Variants in CDH13 observed in about 807,000 individuals in gnomAD.
CDH13 encodes cadherin 13, also known as cadherin-13.
CDH13 carries 24 observed loss-of-function variants against 63.8 expected under a neutral mutation model. The observed-to-expected ratio is 0.38, with a 90% CI of 0.27 to 0.53. The LOEUF (loss-of-function observed/expected upper bound fraction) is 0.53, where lower values mean the gene tolerates loss of function less well. Among genes scored for constraint, CDH13 ranks in the 20% least tolerant of loss-of-function variants. The pLI is 0.85. For synonymous variants in CDH13, 503 were observed against 355.3 expected, an observed-to-expected ratio of 1.42 and a Z score of -4.67; for missense variants, 1,049 against 903.1, an observed-to-expected ratio of 1.16 and a Z score of -2.07.
intron 1 of CDH13, among the ~76,000 whole-genome samples, chr16:82,665,372 T>C (rs1912463944): frequency 6.6e-6 from 1 of 152,146 alleles, no homozygotes; most frequent in African/African-American, 2.4e-5. Flanking sequence ...GTAAGGCATC[T>C]TTAAACCGAG....
At chr16:83,192,582 A>T (rs2038752582) in intron 4 of CDH13, among the ~76,000 whole-genome samples, 2 of 152,196 alleles carry the variant, frequency 1.3e-5, no homozygotes, top group Non-Finnish European at 2.9e-5. Context: ...GCTATAAACT[A>T]ATAGGATCTG....
chr16:82,940,406 T>C (rs1904275596), intron 2 of CDH13, among the ~76,000 whole-genome samples: 1 of 152,194 alleles, frequency 6.6e-6, no homozygotes, highest in Admixed American at 6.5e-5. Flanking sequence ...TGCTCGGTGG[T>C]GAGGTTGAGT....
chr16:83,611,241 C>G (rs1488200760), intron 8 of CDH13, among the ~76,000 whole-genome samples: 2 of 151,990 alleles, frequency 1.3e-5, no homozygotes, highest in African/African-American at 4.8e-5. Flanking sequence ...TGGCTTTCCT[C>G]TTCTCTCTCT....
intron 3 of CDH13, among the ~76,000 whole-genome samples, chr16:83,049,077 TTTTTAA>T (rs2029977206): frequency 6.6e-6 from 1 of 152,172 alleles, no homozygotes; most frequent in Non-Finnish European, 1.5e-5. Context: ...AAGCAATTAA[TTTTTAA>T]TTTTAATTTT....
chr16:83,317,619 G>C (rs1292628574), intron 5 of CDH13, among the ~76,000 whole-genome samples: 1 of 152,032 alleles, frequency 6.6e-6, no homozygotes, highest in East Asian at 1.9e-4. Context: ...TGACCAACAT[G>C]GTGAAACCCC....
chr16:83,753,326 C>G (rs1328974128), intron 11 of CDH13, among the ~76,000 whole-genome samples: 1 of 152,134 alleles, frequency 6.6e-6, no homozygotes, highest in Non-Finnish European at 1.5e-5. Context: ...GGCAGATTGC[C>G]TGAACCTAGG....
At chr16:82,987,673 G>T (rs1356721121) in intron 2 of CDH13, among the ~76,000 whole-genome samples, 1 of 152,216 alleles carries the variant, frequency 6.6e-6, no homozygotes, top group African/African-American at 2.4e-5. Context: ...CACTGTGCCA[G>T]GCCATGAATC....
At position 82,644,879 on chromosome 16, in the gene CDH13, T is replaced by A. The variant is rs1239149787; in HGVS notation, c.45+17742T>A. On this transcript the variant is annotated intron_variant, in intron 1 of 13. Transcript: ENST00000567109. This position sits in a 1 kb window ranked among gnomAD's most constrained non-coding sequence, Gnocchi z 5.7. The stretch of plus-strand genomic sequence containing the variant: ...GTGTTCTGAAGAGATACTGGTTCCA[T>A]GGGAGGTTAATATGGGTTCTGGGGA... Among the ~76,000 whole-genome samples, 1 of 152,162 alleles carries A rather than the reference T, an allele frequency of 6.6e-6. No individual in the cohort carries two copies. Among genetic ancestry groups the A allele is most frequent in the Admixed American group, 6.5e-5 (1 of 15,280 alleles).
intron 2 of CDH13, chr16:82,858,816 T>C: frequency 2.8e-6 from 1 of 360,820 alleles, no homozygotes; most frequent in South Asian, 8.3e-5. Flanking sequence ...AATCATTGCC[T>C]TCTCGCAGAT....
intron 1 of CDH13, among the ~76,000 whole-genome samples, chr16:82,806,687 G>T (rs889696362): frequency 6.6e-6 from 1 of 152,092 alleles, no homozygotes; most frequent in Admixed American, 6.6e-5. Flanking sequence ...AAGCAAAGAT[G>T]ATTTCCAAGC....
intron 3 of CDH13, among the ~76,000 whole-genome samples, chr16:83,033,744 C>G (rs1026260361): frequency 6.6e-6 from 1 of 152,170 alleles, no homozygotes; most frequent in African/African-American, 2.4e-5. Context: ...ACTACTGACT[C>G]CTGCCTTCTT....
At chr16:82,877,782 A>G (rs2151198415) in intron 2 of CDH13, among the ~76,000 whole-genome samples, 1 of 136,164 alleles carries the variant, frequency 7.3e-6, no homozygotes, top group Admixed American at 7.6e-5. Context: ...CTTTACACAC[A>G]GCCACCTCTA....
chr16:82,762,742 C>T (rs1243228115), intron 1 of CDH13, among the ~76,000 whole-genome samples: 2 of 152,150 alleles, frequency 1.3e-5, no homozygotes, highest in African/African-American at 2.4e-5. Context: ...AAAGCAAAGA[C>T]CTGCTGTGTT....
intron 1 of CDH13, among the ~76,000 whole-genome samples, chr16:82,706,572 T>C (rs916650932): frequency 5.9e-5 from 9 of 151,270 alleles, no homozygotes; most frequent in African/African-American, 2.2e-4. Flanking sequence ...GGTGGGTGGA[T>C]CACCTGAGGG....
chr16:83,159,126 G>T (rs2037339218), intron 4 of CDH13, among the ~76,000 whole-genome samples: 1 of 150,972 alleles, frequency 6.6e-6, no homozygotes, highest in African/African-American at 2.4e-5. Context: ...TTCTGTCTCG[G>T]TAAAAGTTCC....
chr16:83,774,087 C>G (rs1350835051), intron 11 of CDH13, among the ~76,000 whole-genome samples: 1 of 152,198 alleles, frequency 6.6e-6, no homozygotes, highest in Non-Finnish European at 1.5e-5. Context: ...CTACTCAACT[C>G]TATAATCATT....
intron 2 of CDH13, among the ~76,000 whole-genome samples, chr16:82,903,073 GAAA>G (rs1455849134): frequency 6.6e-6 from 1 of 152,192 alleles, no homozygotes; most frequent in African/African-American, 2.4e-5. Flanking sequence ...GATGGTAATG[GAAA>G]AAGACAAGAT....
intron 8 of CDH13, among the ~76,000 whole-genome samples, chr16:83,611,429 C>T (rs1398094790): frequency 1.3e-5 from 2 of 151,576 alleles, no homozygotes; most frequent in African/African-American, 4.8e-5. Context: ...TTTTTTTTCT[C>T]TATTTTTCTT....
At chr16:82,720,425 G>C (rs937633709) in intron 1 of CDH13, among the ~76,000 whole-genome samples, 1 of 151,994 alleles carries the variant, frequency 6.6e-6, no homozygotes, top group African/African-American at 2.4e-5. Flanking sequence ...TAATAGTTTA[G>C]GGTCTTGGGT....
Sources: gnomAD v4.1 joint callset for allele counts (sites outside exome capture counted in the v4.1 genomes callset) on GRCh38, gnomAD v4.1.1 for gene constraint, Gnocchi (gnomAD v3.1) non-coding constraint, MANE v1.5 for transcripts, NCBI Gene and HGNC (gene_info 2026-07-23, HGNC 2026-07-21) for gene names.